ENTREP2: variants seen among roughly 807,000 people sequenced by gnomAD.
The protein encoded by ENTREP2 is protein ENTREP2.
At chr15:29,305,513 G>A in the ENTREP2 span, among the ~76,000 whole-genome samples, 1 of 152,180 alleles carries the variant, frequency 6.6e-6, no homozygotes, top group East Asian at 1.9e-4. Context: ...ATGAGAAGTG[G>A]CTGGACCCTG....
chr15:29,465,513 T>C, the ENTREP2 span, among the ~76,000 whole-genome samples: 3 of 152,130 alleles, frequency 2.0e-5, no homozygotes, highest in Non-Finnish European at 2.9e-5. Flanking sequence ...AAGTGGACCA[T>C]AAACACCTTC....
At chr15:29,496,649 T>C in the ENTREP2 span, among the ~76,000 whole-genome samples, 1 of 152,170 alleles carries the variant, frequency 6.6e-6, no homozygotes, top group Non-Finnish European at 1.5e-5. Context: ...TTGTCAAATG[T>C]TGGTTTAAAT....
the ENTREP2 span, among the ~76,000 whole-genome samples, chr15:29,345,697 C>G: frequency 1.3e-5 from 2 of 151,968 alleles, no homozygotes; most frequent in African/African-American, 2.4e-5. Flanking sequence ...CCACATCCCC[C>G]CCAGCTCCTC....
At chr15:29,656,804 T>C in the ENTREP2 span, among the ~76,000 whole-genome samples, 1 of 152,162 alleles carries the variant, frequency 6.6e-6, no homozygotes, top group Non-Finnish European at 1.5e-5. Context: ...TCTTCTAAAG[T>C]TAAGCATGTA....
chr15:29,650,381 T>C, the ENTREP2 span, among the ~76,000 whole-genome samples: 1 of 151,884 alleles, frequency 6.6e-6, no homozygotes. Context: ...TCACCTGAGA[T>C]CAGGAGTTCA....
At chr15:29,630,809 T>C in the ENTREP2 span, among the ~76,000 whole-genome samples, 1 of 152,310 alleles carries the variant, frequency 6.6e-6, no homozygotes, top group Admixed American at 6.5e-5. Context: ...TGCCTCAGCC[T>C]CCCGAGTAGT....
At chr15:29,325,482 C>T in the ENTREP2 span, among the ~76,000 whole-genome samples, 10 of 152,134 alleles carry the variant, frequency 6.6e-5, no homozygotes, top group African/African-American at 2.2e-4. Context: ...AACTCTATAC[C>T]TCTAAATTTG....
the ENTREP2 span, among the ~76,000 whole-genome samples, chr15:29,516,927 A>G: frequency 6.7e-6 from 1 of 149,894 alleles, no homozygotes; most frequent in East Asian, 2.0e-4. Flanking sequence ...ATGGAAAGCC[A>G]ATTGTCTTCC....
chr15:29,314,930 T>TA, the ENTREP2 span, among the ~76,000 whole-genome samples: 2 of 152,134 alleles, frequency 1.3e-5, no homozygotes, highest in African/African-American at 4.8e-5. Context: ...TGCACACCTG[T>TA]AGTCCCAGCT....
chr15:29,171,546 T>G, the ENTREP2 span, among the ~76,000 whole-genome samples: 17,742 of 152,066 alleles, frequency 0.12, 2,855 homozygotes, highest in African/African-American at 0.37. Flanking sequence ...AAAACCCAAG[T>G]AAGGTATTTT....
At chr15:29,118,100 C>G in the ENTREP2 span, 1 of 146,362 alleles carries the variant, frequency 6.8e-6, no homozygotes, top group African/African-American at 2.5e-5. Flanking sequence ...TAGTCCAGCT[C>G]GGTTCATTAG....
chr15:29,431,270 G>T, the ENTREP2 span, among the ~76,000 whole-genome samples: 1 of 152,082 alleles, frequency 6.6e-6, no homozygotes, highest in Non-Finnish European at 1.5e-5. Context: ...TGCCACGCTG[G>T]CCCCTGCACG....
At chr15:29,311,017 ATTTTGT>A in the ENTREP2 span, among the ~76,000 whole-genome samples, 1 of 152,152 alleles carries the variant, frequency 6.6e-6, no homozygotes, top group Non-Finnish European at 1.5e-5. Flanking sequence ...CTCCACAGTA[ATTTTGT>A]AGAAGAAGGA....
At chr15:29,305,724 T>C in the ENTREP2 span, among the ~76,000 whole-genome samples, 20 of 152,180 alleles carry the variant, frequency 1.3e-4, no homozygotes, top group East Asian at 3.9e-3. Context: ...CTGCTTTGGA[T>C]GTGTTAAAAT....
the ENTREP2 span, among the ~76,000 whole-genome samples, chr15:29,598,841 C>T: frequency 1.3e-5 from 2 of 152,144 alleles, no homozygotes; most frequent in Non-Finnish European, 2.9e-5. Context: ...GGACTACAGG[C>T]GCCCGCCACC....
the ENTREP2 span, chr15:29,151,939 G>T: frequency 3.5e-6 from 3 of 860,234 alleles, no homozygotes; most frequent in South Asian, 2.9e-5. Context: ...CGAGGTCGAT[G>T]ACCATCCACT....
chr15:29,269,107 T>C, the ENTREP2 span: 43 of 1,614,104 alleles, frequency 2.7e-5, no homozygotes, highest in African/African-American at 4.8e-4. Flanking sequence ...CCGCAGAAAG[T>C]CCCAGGCTTC....
At chr15:29,413,248 A>C in the ENTREP2 span, among the ~76,000 whole-genome samples, 1 of 152,146 alleles carries the variant, frequency 6.6e-6, no homozygotes, top group African/African-American at 2.4e-5. Context: ...AAAGCTGCAG[A>C]ATTCAGTATA....
At chr15:29,347,028 A>G in the ENTREP2 span, among the ~76,000 whole-genome samples, 1 of 152,230 alleles carries the variant, frequency 6.6e-6, no homozygotes, top group Admixed American at 6.5e-5. Flanking sequence ...TCCAAAGAAA[A>G]GTTTGGATTC....
Sources: allele counts gnomAD v4.1 joint callset (sites outside exome capture counted in the v4.1 genomes callset), GRCh38; gene constraint gnomAD v4.1.1; transcripts MANE v1.5; gene names NCBI Gene and HGNC (gene_info 2026-07-23, HGNC 2026-07-21).